The following CCDC60 variants were observed in gnomAD, a reference collection of about 807,000 sequenced individuals.
CCDC60 encodes coiled-coil domain containing 60.
Under a neutral mutation model 63.5 loss-of-function variants are expected in CCDC60, and 54 were observed. The observed-to-expected ratio is 0.85, with a 90% CI of 0.68 to 1.07. The LOEUF is 1.07. Ranked by LOEUF, CCDC60 falls within the 50% of genes least tolerant of loss-of-function variation. CCDC60 has a pLI of 0.00. For missense variants in CCDC60, 651 were observed against 684.3 expected (o/e 0.95, Z 0.54); for synonymous variants, 206 against 238.8 (o/e 0.86, Z 1.27).
intron 4 of CCDC60, among the ~76,000 whole-genome samples, chr12:119,487,846 T>C (rs571069394): frequency 6.6e-6 from 1 of 152,280 alleles, no homozygotes; most frequent in Non-Finnish European, 1.5e-5. Flanking sequence ...GTGAGACATA[T>C]GTGGTTTTGT....
At chr12:119,360,695 G>A (rs2136165004) in intron 1 of CCDC60, among the ~76,000 whole-genome samples, 1 of 152,192 alleles carries the variant, frequency 6.6e-6, no homozygotes, top group Admixed American at 6.5e-5. Flanking sequence ...AGATGTGATG[G>A]CGGCCGGGAA....
intron 6 of CCDC60, among the ~76,000 whole-genome samples, chr12:119,504,229 A>G (rs891231347): frequency 6.6e-6 from 1 of 152,154 alleles, no homozygotes; most frequent in African/African-American, 2.4e-5. Flanking sequence ...GACCTTGAGG[A>G]GGTTAGGAAG....
At chr12:119,346,612 A>G (rs1390421025) in intron 1 of CCDC60, among the ~76,000 whole-genome samples, 1 of 152,204 alleles carries the variant, frequency 6.6e-6, no homozygotes, top group African/African-American at 2.4e-5. Flanking sequence ...GCTGTAGGCA[A>G]TGCAAACAAG....
rs944947327 is a variant in CCDC60 at position 119,410,726 on chromosome 12, C to T, written c.91-17957C>T. On this transcript the variant is annotated intron_variant, in intron 1 of 13. Coordinates refer to ENST00000327554, the MANE Select transcript of CCDC60 (RefSeq NM_178499.5). The surrounding 1 kb of genome is among the most constrained non-coding windows in gnomAD (Gnocchi z 4.0). ...TGGATGATATCCCCATAACAAAAGA[C>T]GTATTAATGAAAGAAAAGCATAACA... is the stretch of plus-strand genomic sequence containing the variant. Among the ~76,000 whole-genome samples the T allele has an allele frequency of 2.6e-5, 4 of 152,112 alleles. No homozygotes were observed. Among genetic ancestry groups the T allele is most frequent in the Non-Finnish European group, 5.9e-5 (4 of 68,020 alleles).
At chr12:119,367,088 C>T (rs1354631449) in intron 1 of CCDC60, among the ~76,000 whole-genome samples, 2 of 152,212 alleles carry the variant, frequency 1.3e-5, no homozygotes, top group African/African-American at 4.8e-5. Context: ...CCACCCCGGC[C>T]TCCCAAAGTG....
At chr12:119,385,864 C>T (rs1017629951) in intron 1 of CCDC60, among the ~76,000 whole-genome samples, 1 of 152,208 alleles carries the variant, frequency 6.6e-6, no homozygotes, top group African/African-American at 2.4e-5. Context: ...TTGCTAGCCC[C>T]AGGGGACTGC....
At chr12:119,534,405 A>C (rs1278606439) in intron 13 of CCDC60, among the ~76,000 whole-genome samples, 2 of 152,074 alleles carry the variant, frequency 1.3e-5, no homozygotes, top group East Asian at 3.9e-4. Context: ...AATACCCTTT[A>C]TTTCTTTCTC....
chr12:119,355,249 T>C (rs1049217537), intron 1 of CCDC60, among the ~76,000 whole-genome samples: 4 of 152,182 alleles, frequency 2.6e-5, no homozygotes, highest in Non-Finnish European at 5.9e-5. Context: ...TCTTCCTATT[T>C]GTTGGTAAAA....
chr12:119,369,667 C>T (rs1273752448), intron 1 of CCDC60, among the ~76,000 whole-genome samples: 1 of 152,128 alleles, frequency 6.6e-6, no homozygotes, highest in Non-Finnish European at 1.5e-5. Context: ...ATACTTAGCT[C>T]GTGGAGCTGT....
intron 4 of CCDC60, among the ~76,000 whole-genome samples, chr12:119,487,366 C>T (rs1951473901): frequency 6.6e-6 from 1 of 150,968 alleles, no homozygotes; most frequent in African/African-American, 2.4e-5. Flanking sequence ...GGCATGATCT[C>T]GGCTCACTGC....
chr12:119,456,371 T>A lies in CCDC60; in HGVS notation c.171-15623T>A, dbSNP rs1304090850. 6.6e-6 allele frequency among the ~76,000 whole-genome samples: 1 copy of A among 152,158 alleles called. No homozygotes were observed. The highest frequency in any genetic ancestry group is 1.5e-5 in the Non-Finnish European group (1 of 68,024). ...GTTAAGGAAGAGAGTCAACTAATAT[T>A]CAGAAAATAGAGTTGACATCACTTC... On this transcript the variant is annotated intron_variant, in intron 2 of 13. Transcript: ENST00000327554. This position sits in a 1 kb window ranked among gnomAD's most constrained non-coding sequence, Gnocchi z 4.6.
intron 11 of CCDC60, 49 bp downstream of exon 11, chr12:119,523,867 C>T (rs1952603021): frequency 1.9e-6 from 3 of 1,586,926 alleles, no homozygotes; most frequent in Non-Finnish European, 2.6e-6. Context: ...CACTGGGTAC[C>T]TACTATATGC....
intron 3 of CCDC60, among the ~76,000 whole-genome samples, chr12:119,477,897 C>A (rs1593144783): frequency 6.6e-6 from 1 of 151,936 alleles, no homozygotes; most frequent in Non-Finnish European, 1.5e-5. Context: ...GATTCAATTG[C>A]ACACACGCAC....
intron 13 of CCDC60, among the ~76,000 whole-genome samples, chr12:119,534,071 T>C (rs1952933269): frequency 6.6e-6 from 1 of 152,234 alleles, no homozygotes; most frequent in South Asian, 2.1e-4. Flanking sequence ...TTTTTCCATT[T>C]GTTTGTGTCC....
intron 1 of CCDC60, among the ~76,000 whole-genome samples, chr12:119,402,817 AG>A (rs1168796328): frequency 1.3e-5 from 2 of 152,190 alleles, no homozygotes; most frequent in Non-Finnish European, 2.9e-5. Flanking sequence ...GTAACTCTCC[AG>A]GGGTGTAGTT....
At chr12:119,524,721 C>CTTTTTCTTTTTTTTTTT (rs1952636250) in intron 11 of CCDC60, among the ~76,000 whole-genome samples, 1 of 99,050 alleles carries the variant, frequency 1.0e-5, no homozygotes, top group African/African-American at 4.7e-5. Flanking sequence ...CTTTTCTTTT[C>CTTTTTCTTTTTTTTTTT]TTTTTTTTTT....
intron 1 of CCDC60, among the ~76,000 whole-genome samples, chr12:119,346,774 C>CTCTCTCTTTCTTTCTT (rs1555230507): frequency 8.0e-6 from 1 of 125,296 alleles, no homozygotes; most frequent in African/African-American, 3.1e-5. Flanking sequence ...ACTCATCTTT[C>CTCTCTCTTTCTTTCTT]TCTTTCTTTC....
chr12:119,406,196 T>TAG (rs1956487151), intron 1 of CCDC60, among the ~76,000 whole-genome samples: 2 of 120,162 alleles, frequency 1.7e-5, no homozygotes, highest in East Asian at 5.3e-4. Context: ...TATATAGATA[T>TAG]ATATATATAG....
intron 1 of CCDC60, among the ~76,000 whole-genome samples, chr12:119,381,192 A>C (rs1956004793): frequency 6.6e-6 from 1 of 152,170 alleles, no homozygotes; most frequent in African/African-American, 2.4e-5. Context: ...CATGACCAGC[A>C]CCATATTTAA....
Sources: allele counts gnomAD v4.1 joint callset (sites outside exome capture counted in the v4.1 genomes callset), GRCh38; gene constraint gnomAD v4.1.1; non-coding constraint Gnocchi (gnomAD v3.1); transcripts MANE v1.5; gene names NCBI Gene and HGNC (gene_info 2026-07-23, HGNC 2026-07-21).